The following MAP4K3 variants were observed in gnomAD, a reference collection of about 807,000 sequenced individuals.
MAP4K3 encodes MAPK/ERK kinase kinase kinase 3.
MAP4K3 carries 94 observed loss-of-function variants against 143.5 expected under a neutral mutation model. The ratio of observed to expected loss-of-function variants is 0.65; its 90% CI spans 0.55 to 0.78. MAP4K3 has a LOEUF of 0.78. Ranked by LOEUF, MAP4K3 falls within the 30% of genes least tolerant of loss-of-function variation. MAP4K3 has a pLI of 0.00. For synonymous variants in MAP4K3, 416 were observed against 347.2 expected (o/e 1.20, Z -2.20); for missense variants, 1,077 against 1,068.1 (o/e 1.01, Z -0.12).
intron 1 of MAP4K3, among the ~76,000 whole-genome samples, chr2:39,408,070 C>G (rs1452015897): frequency 6.6e-6 from 1 of 151,992 alleles, no homozygotes; most frequent in East Asian, 1.9e-4. Context: ...AACCCTTGAG[C>G]CTTAAAGGGA....
chr2:39,280,066 C>A (rs759548928), intron 23 of MAP4K3, among the ~76,000 whole-genome samples: 3 of 152,062 alleles, frequency 2.0e-5, no homozygotes, highest in Non-Finnish European at 4.4e-5. Context: ...GATATGGTAA[C>A]TATACAGTGA....
At position 39,436,920 on chromosome 2, in the gene MAP4K3, C is replaced by G; in HGVS notation, c.68G>C (p.Gly23Ala). 6.2e-7 allele frequency: 1 copy of G among 1,612,502 alleles called. No individual in the cohort carries two copies. The highest frequency in any genetic ancestry group is 8.5e-7 in the Non-Finnish European group (1 of 1,179,404). ...GTAGACGTCGCCGTAGGTGCCGCTG[C>G]CGATGCGCTGAATCAGCTCGAAGTC... ...QEDFELIQRIGSGTYGDVYKA... is the reference protein window; with the variant it reads ...QEDFELIQRIASGTYGDVYKA... Residue 23 changes from glycine (G) to alanine (A), a missense_variant, in exon 1 of 34, where the codon GGC becomes GCC. Physicochemically the swap from Gly to Ala is moderately conservative, Grantham distance 60. This residue lies in a region of MAP4K3 where 213 missense variants were observed against 266.8 expected (regional missense o/e 0.80). Transcript: ENST00000263881.
At chr2:39,315,461 A>G in intron 12 of MAP4K3, 73 bp from the exon 13 acceptor site, 1 of 962,746 alleles carries the variant, frequency 1.0e-6, no homozygotes, top group Middle Eastern at 2.2e-4. Flanking sequence ...AAATTACCCA[A>G]ATAGGAAAAA....
chr2:39,321,738 C>T (rs1683312787), intron 12 of MAP4K3, among the ~76,000 whole-genome samples: 2 of 152,198 alleles, frequency 1.3e-5, no homozygotes, highest in African/African-American at 4.8e-5. Context: ...GGAAAAACCG[C>T]CTTAGGGCTG....
At chr2:39,363,791 C>G (rs1665838380) in intron 2 of MAP4K3, among the ~76,000 whole-genome samples, 1 of 149,082 alleles carries the variant, frequency 6.7e-6, no homozygotes, top group South Asian at 2.1e-4. Flanking sequence ...TGTAAACAAA[C>G]AGTATACAAT....
chr2:39,426,584 G>GTA (rs1315235044), intron 1 of MAP4K3, among the ~76,000 whole-genome samples: 2 of 151,868 alleles, frequency 1.3e-5, no homozygotes, highest in Non-Finnish European at 2.9e-5. Flanking sequence ...AAAAAAATAT[G>GTA]TATATATACA....
intron 13 of MAP4K3, among the ~76,000 whole-genome samples, chr2:39,312,930 A>G (rs1487028406): frequency 6.6e-6 from 1 of 152,158 alleles, no homozygotes; most frequent in Non-Finnish European, 1.5e-5. Flanking sequence ...CTCCCACCAG[A>G]TTGTACAACC....
chr2:39,294,721 G>C (rs894775728), intron 16 of MAP4K3, among the ~76,000 whole-genome samples: 1 of 152,196 alleles, frequency 6.6e-6, no homozygotes, highest in Non-Finnish European at 1.5e-5. Context: ...TAGGTAAAGT[G>C]CCCAGAAGGG....
chr2:39,437,099 A>C lies in MAP4K3; in HGVS notation c.-112T>G. ...GGCTCCCGGCTCCCCCGGCGGTCACAATCACCCGGCTCCACGCTGCGGCCG... is the reference window on the plus strand; with the variant it reads ...GGCTCCCGGCTCCCCCGGCGGTCACCATCACCCGGCTCCACGCTGCGGCCG... On this transcript the variant is annotated 5_prime_UTR_variant, in exon 1 of 34. The change creates a new upstream start codon in the 5' untranslated region. Coordinates refer to ENST00000263881, the MANE Select transcript of MAP4K3 (RefSeq NM_003618.4). 1.4e-6 allele frequency: 1 copy of C among 713,508 alleles called. No homozygotes were observed. The allele number at this position is 713,508 out of a possible 1,614,324, so 44.2% of individuals were successfully genotyped here. A position where few individuals can be genotyped will look rare whatever the true frequency, so the allele number is the denominator to read the frequency against.
intron 1 of MAP4K3, among the ~76,000 whole-genome samples, chr2:39,401,288 C>A (rs929961397): frequency 6.6e-6 from 1 of 152,132 alleles, no homozygotes; most frequent in East Asian, 1.9e-4. Context: ...TGAGGAAACA[C>A]ACAAGGCCTA....
At position 39,436,988 on chromosome 2, in the gene MAP4K3, G is replaced by C. The variant is rs146016225; in HGVS notation, c.-1C>G. The C allele has an allele frequency of 1.5e-4, 241 of 1,610,118 alleles. 1 individual carries two copies. Among genetic ancestry groups the C allele is most frequent in the Admixed American group, 7.9e-4 (47 of 59,864 alleles). ...GGGACAAATCGAAGCCGGGGTTCAT[G>C]GCGGGCCCCAGGTGCCCCCCGCCTC... On this transcript the variant is annotated 5_prime_UTR_variant, in exon 1 of 34. Transcript: ENST00000263881.
chr2:39,353,878 T>C (rs1378226014), intron 3 of MAP4K3, among the ~76,000 whole-genome samples: 1 of 152,172 alleles, frequency 6.6e-6, no homozygotes, highest in Admixed American at 6.5e-5. Flanking sequence ...TATCCTGTCA[T>C]GTAGATATTA....
At chr2:39,359,669 T>C (rs1249693177) in intron 2 of MAP4K3, among the ~76,000 whole-genome samples, 5 of 152,270 alleles carry the variant, frequency 3.3e-5, no homozygotes, top group Non-Finnish European at 2.9e-5. Context: ...CCATATATCC[T>C]TGGAAATCTA....
chr2:39,397,272 A>G (rs562083872), intron 1 of MAP4K3, among the ~76,000 whole-genome samples: 5 of 152,210 alleles, frequency 3.3e-5, no homozygotes, highest in Non-Finnish European at 5.9e-5. Context: ...GACTACAAAC[A>G]TAAGAGAATT....
intron 2 of MAP4K3, among the ~76,000 whole-genome samples, chr2:39,377,115 G>C (rs1666239708): frequency 6.6e-6 from 1 of 150,678 alleles, no homozygotes; most frequent in Non-Finnish European, 1.5e-5. Flanking sequence ...CTCTAAATAA[G>C]GGGTGAGCAA....
intron 1 of MAP4K3, among the ~76,000 whole-genome samples, chr2:39,429,483 A>T (rs868068466): frequency 7.9e-5 from 12 of 152,376 alleles, no homozygotes; most frequent in South Asian, 2.1e-4. Flanking sequence ...ATGAATGCAT[A>T]CAAAAACTGG....
At position 39,378,140 on chromosome 2, in the gene MAP4K3, A is replaced by G. The variant is rs770356576; in HGVS notation, c.97-17T>C. ...ATTCCGTGCCTAAAAGAAAGAGGAA[A>G]AAAGGATTATTGTGAAGAAAGCTTT... On this transcript the variant is annotated splice_polypyrimidine_tract_variant and intron_variant, in intron 1 of 33. Coordinates refer to ENST00000263881, the MANE Select transcript of MAP4K3 (RefSeq NM_003618.4). The G allele has an allele frequency of 1.1e-5, 16 of 1,497,704 alleles. No homozygotes were observed. Among genetic ancestry groups the G allele is most frequent in the Non-Finnish European group, 1.4e-5 (15 of 1,092,510 alleles). 92.8% of individuals were successfully genotyped at this position (1,497,704 alleles called of 1,614,324 possible).
In MAP4K3 at chr2:39,308,423, T is replaced by C. The variant is rs536814081; in HGVS notation, c.1057-418A>G. Among the ~76,000 whole-genome samples, 15 of 152,298 alleles carry C rather than the reference T, an allele frequency of 9.8e-5. No homozygotes were observed. The South Asian group carries it at 1.9e-3, about 19-fold the overall frequency. On this transcript the variant is annotated intron_variant, in intron 14 of 33. Transcript: ENST00000263881. ...ATTCCTCCACACTGGTACACTGAATTAGAGTAACTATAAGGTAAAGGCTAA... is the reference window on the plus strand; with the variant it reads ...ATTCCTCCACACTGGTACACTGAATCAGAGTAACTATAAGGTAAAGGCTAA...
intron 12 of MAP4K3, 35 bp downstream of exon 12, chr2:39,325,483 T>G: frequency 1.5e-6 from 2 of 1,365,248 alleles, no homozygotes; most frequent in Non-Finnish European, 2.1e-6. Context: ...CACATATACA[T>G]GTTATATATG....
Sources: allele counts gnomAD v4.1 joint callset (sites outside exome capture counted in the v4.1 genomes callset), GRCh38; gene constraint gnomAD v4.1.1; regional missense constraint gnomAD v4.1.1; transcripts MANE v1.5; gene names NCBI Gene and HGNC (gene_info 2026-07-23, HGNC 2026-07-21).